Variants in GP6 observed in about 807,000 individuals in gnomAD.
GP6 encodes the protein platelet glycoprotein VI.
A neutral mutation model predicts 37.3 loss-of-function variants in GP6; 45 were observed. The observed-to-expected ratio is 1.21, with a 90% CI of 0.95 to 1.55. The LOEUF (loss-of-function observed/expected upper bound fraction) is 1.55, where lower values mean the gene tolerates loss of function less well. GP6 is among the 40% of genes most tolerant of loss of function. The pLI is 0.00. For synonymous variants in GP6, 340 were observed against 316.4 expected, an observed-to-expected ratio of 1.07 and a Z score of -0.79; for missense variants, 813 against 760.2, an observed-to-expected ratio of 1.07 and a Z score of -0.82.
intron 1 of GP6, among the ~76,000 whole-genome samples, chr19:55,035,413 A>T (rs2074792318): frequency 6.6e-6 from 1 of 152,146 alleles, no homozygotes; most frequent in South Asian, 2.1e-4. Flanking sequence ...CATATCACCG[A>T]TAGTAGATTT....
chr19:55,032,328 G>A lies in GP6; in HGVS notation c.136C>T (p.Leu46Phe). 2 of 1,614,054 alleles carry A rather than the reference G, an allele frequency of 1.2e-6. No individual in the cohort carries two copies. The highest frequency in any genetic ancestry group is 1.7e-6 in the Non-Finnish European group (2 of 1,179,988). Residue 46 changes from leucine to phenylalanine, a missense_variant, in exon 3 of 8, where the codon CTC becomes TTC. Coordinates refer to ENST00000310373, the MANE Select transcript of GP6 (RefSeq NM_001083899.2). ...ACGCCCGGAGGTCCCTGGCACCGGA[G>A]GGTCACTGGCTTCTCCAGGGGCACC...
At position 55,027,745 on chromosome 19, in the gene GP6, T is replaced by A; in HGVS notation, c.443A>T (p.Glu148Val). The A allele has an allele frequency of 6.2e-7, 1 of 1,613,958 alleles. No individual in the cohort carries two copies. Among genetic ancestry groups the A allele is most frequent in the African/African-American group, 1.3e-5 (1 of 75,032 alleles). ...ATTCTTGTAGGGCGCAGGGTCCCCT[T>A]CCTTGTACAGAGCAAATTGGTCAAA... Residue 148 changes from glutamate (E) to valine (V), a missense_variant, in exon 4 of 8, where the codon GAA (glutamate) becomes GTA (valine). Glu to Val is a moderately radical substitution (Grantham distance 121, BLOSUM62 -2). Transcript: ENST00000310373.
intron 4 of GP6, among the ~76,000 whole-genome samples, chr19:55,026,370 C>T (rs760016659): frequency 9.9e-5 from 15 of 152,164 alleles, no homozygotes; most frequent in Non-Finnish European, 2.1e-4. Flanking sequence ...TTAACAACCA[C>T]CATTGTACTT....
At chr19:55,020,734 C>T (rs912001077) in intron 5 of GP6, among the ~76,000 whole-genome samples, 1 of 152,068 alleles carries the variant, frequency 6.6e-6, no homozygotes, top group African/African-American at 2.4e-5. Flanking sequence ...GGGTATATAA[C>T]CAGTAATGGG....
chr19:55,016,415 T>C (rs1187472471), intron 6 of GP6, among the ~76,000 whole-genome samples: 3 of 142,442 alleles, frequency 2.1e-5, no homozygotes, highest in Non-Finnish European at 4.5e-5. Context: ...TGGCTCTGTC[T>C]CCCAGGCTGG....
chr19:55,015,221 T>A, intron 7 of GP6, 56 bp from the exon 8 acceptor site: 1 of 1,549,204 alleles, frequency 6.5e-7, no homozygotes. Flanking sequence ...CAGGACCCCC[T>A]CCAAGCCACA....
intron 1 of GP6, among the ~76,000 whole-genome samples, chr19:55,033,167 T>A (rs112125993): frequency 1.7e-4 from 15 of 87,318 alleles, no homozygotes; most frequent in African/African-American, 2.1e-4. Context: ...TTAGACGCGG[T>A]GGGTTCGTTC....
At chr19:55,036,062 G>A (rs4806633) in intron 1 of GP6, among the ~76,000 whole-genome samples, 65,296 of 147,198 alleles carry the variant, frequency 0.44, 14,699 homozygotes, top group East Asian at 0.61. Context: ...GAGAGAGCGA[G>A]ATTCCGTCTT....
chr19:55,032,308 C>T lies in GP6; in HGVS notation c.156G>A (p.Pro52=), dbSNP rs763231845. Reference sequence around the variant, plus strand: ...TCTCCAGGCGGTACAGGTCCACGCCCGGAGGTCCCTGGCACCGGAGGGTCA... The same window carrying T: ...TCTCCAGGCGGTACAGGTCCACGCCTGGAGGTCCCTGGCACCGGAGGGTCA... The change falls in exon 3 of 8, where the codon CCG becomes CCA. Residue 52 remains proline, a synonymous_variant. Coordinates refer to ENST00000310373, the MANE Select transcript of GP6 (RefSeq NM_001083899.2). 5.6e-6 allele frequency: 9 copies of T among 1,613,840 alleles called. No individual in the cohort carries two copies. Among genetic ancestry groups the T allele is most frequent in the Non-Finnish European group, 7.6e-6 (9 of 1,179,880 alleles).
At chr19:55,034,716 T>TACACACACACACACACACACACACAC (rs796869786) in intron 1 of GP6, among the ~76,000 whole-genome samples, 1 of 148,042 alleles carries the variant, frequency 6.8e-6, no homozygotes, top group African/African-American at 2.5e-5. Context: ...CCCTCATTCT[T>TACACACACACACACACACACACACAC]ACACACACAC....
At chr19:55,015,313 G>A (rs916292004) in intron 7 of GP6, 148 bp from the exon 8 acceptor site, 2 of 1,300,470 alleles carry the variant, frequency 1.5e-6, no homozygotes, top group African/African-American at 2.9e-5. Context: ...CCCTTCCCGA[G>A]TAGGGGTCAG....
intron 1 of GP6, among the ~76,000 whole-genome samples, chr19:55,037,841 TTGAACTCCTGACCTCAGG>T (rs2074895143): frequency 6.6e-6 from 1 of 151,938 alleles, no homozygotes; most frequent in Non-Finnish European, 1.5e-5. Context: ...CAGGCTGGTC[TTGAACTCCTGACCTCAGG>T]TGATCCACCC....
intron 4 of GP6, 51 bp from the exon 5 acceptor site, chr19:55,025,322 G>C: frequency 8.6e-7 from 1 of 1,167,618 alleles, no homozygotes; most frequent in Non-Finnish European, 1.3e-6. Context: ...TGTGGGTCCT[G>C]AACAAATAAC....
chr19:55,029,405 T>C (rs1156411903), intron 3 of GP6, among the ~76,000 whole-genome samples: 5 of 82,490 alleles, frequency 6.1e-5, no homozygotes, highest in Non-Finnish European at 1.1e-4. Flanking sequence ...TTTTTTTTTT[T>C]TGGGAAACAG....
chr19:55,028,274 C>G (rs936102489), intron 3 of GP6, among the ~76,000 whole-genome samples: 3 of 152,190 alleles, frequency 2.0e-5, no homozygotes, highest in African/African-American at 7.2e-5. Context: ...TTGCCACATA[C>G]AATTGTTACG....
Position 55,027,781 on chromosome 19 carries a change from G to A in GP6, c.407C>T (p.Thr136Ile). Reference sequence around the variant, plus strand: ...AGCAAATTGGTCAAAGCCATACCGAGTCTGACACTGTAGGGTTACGTCCCC... The same window carrying A: ...AGCAAATTGGTCAAAGCCATACCGAATCTGACACTGTAGGGTTACGTCCCC... Residue 136 changes from threonine to isoleucine, a missense_variant, in exon 4 of 8, where the codon ACT becomes ATT. By Grantham distance (89) the Thr-to-Ile change is moderately conservative (BLOSUM62 -1). Coordinates refer to ENST00000310373, the MANE Select transcript of GP6 (RefSeq NM_001083899.2). The A allele has an allele frequency of 6.2e-7, 1 of 1,613,852 alleles. No homozygotes were observed. The highest frequency in any genetic ancestry group is 8.5e-7 in the Non-Finnish European group (1 of 1,179,688).
chr19:55,027,940 C>G lies in GP6; in HGVS notation c.326-78G>C, dbSNP rs61145631. 0.048 allele frequency: 69,792 copies of G among 1,442,970 alleles called. 1,868 individuals are homozygous for G. The highest frequency in any genetic ancestry group is 0.063 in the South Asian group (5,496 of 87,776). 89.4% of individuals were successfully genotyped at this position (1,442,970 alleles called of 1,614,324 possible). A position where few individuals can be genotyped will look rare whatever the true frequency, so the allele number is the denominator to read the frequency against. On this transcript the variant is annotated intron_variant, in intron 3 of 7. Coordinates refer to ENST00000310373, the MANE Select transcript of GP6 (RefSeq NM_001083899.2). ...AGACTGGGGAGGTCCCCACACCTGC[C>G]TAAGAGCTGGGGAGCTTTTTGGCTG...
At chr19:55,021,050 TAAAAAAAA>T (rs60477411) in intron 5 of GP6, among the ~76,000 whole-genome samples, 1 of 107,714 alleles carries the variant, frequency 9.3e-6, no homozygotes, top group Non-Finnish European at 1.8e-5. Context: ...AGACTCTGTT[TAAAAAAAA>T]AAAAAAAAAA....
chr19:55,017,744 G>A (rs1471569876), intron 6 of GP6, among the ~76,000 whole-genome samples: 3 of 152,004 alleles, frequency 2.0e-5, no homozygotes, highest in African/African-American at 7.2e-5. Context: ...GGGAGGTTCC[G>A]AACTGAAGAT....
Sources: allele counts gnomAD v4.1 joint callset (sites outside exome capture counted in the v4.1 genomes callset), GRCh38; gene constraint gnomAD v4.1.1; transcripts MANE v1.5; gene names NCBI Gene and HGNC (gene_info 2026-07-23, HGNC 2026-07-21).